QTMAN: variants seen among roughly 807,000 people sequenced by gnomAD.
QTMAN encodes the protein queuosine-tRNA mannosyltransferase.
chr2:143,993,958 G>C, the QTMAN span, among the ~76,000 whole-genome samples: 1 of 152,154 alleles, frequency 6.6e-6, no homozygotes, highest in African/African-American at 2.4e-5. Context: ...GACACTGGAA[G>C]TATATGGAGG....
the QTMAN span, among the ~76,000 whole-genome samples, chr2:144,170,517 C>T: frequency 6.6e-6 from 1 of 152,080 alleles, no homozygotes; most frequent in Non-Finnish European, 1.5e-5. Context: ...AAACTCAGAT[C>T]TTTTATAGTA....
At chr2:143,997,803 A>G in the QTMAN span, among the ~76,000 whole-genome samples, 1 of 152,174 alleles carries the variant, frequency 6.6e-6, no homozygotes, top group Admixed American at 6.5e-5. Flanking sequence ...AACATAAAAA[A>G]GCCTCACTCA....
At chr2:144,200,403 A>G in the QTMAN span, among the ~76,000 whole-genome samples, 22 of 152,334 alleles carry the variant, frequency 1.4e-4, no homozygotes, top group East Asian at 3.3e-3. Flanking sequence ...ATTTTACACA[A>G]TATCACAGGC....
At chr2:144,193,526 G>A in the QTMAN span, among the ~76,000 whole-genome samples, 3 of 148,982 alleles carry the variant, frequency 2.0e-5, no homozygotes, top group Non-Finnish European at 4.5e-5. Context: ...GTGTGTGTAT[G>A]TGTGTGTGTA....
At chr2:144,186,392 T>C in the QTMAN span, among the ~76,000 whole-genome samples, 2 of 152,206 alleles carry the variant, frequency 1.3e-5, no homozygotes, top group Non-Finnish European at 2.9e-5. Context: ...TCCCTCCCTG[T>C]AAATTAGATT....
At chr2:144,120,151 C>G in the QTMAN span, among the ~76,000 whole-genome samples, 2 of 152,110 alleles carry the variant, frequency 1.3e-5, no homozygotes, top group African/African-American at 4.8e-5. Flanking sequence ...TCCAATTTCC[C>G]CTAGTATGAG....
the QTMAN span, among the ~76,000 whole-genome samples, chr2:144,071,379 A>T: frequency 6.6e-6 from 1 of 152,176 alleles, no homozygotes; most frequent in Non-Finnish European, 1.5e-5. Flanking sequence ...TATGTGATGA[A>T]TTATTTAAAA....
the QTMAN span, among the ~76,000 whole-genome samples, chr2:143,964,667 G>A: frequency 6.6e-6 from 1 of 151,934 alleles, no homozygotes; most frequent in African/African-American, 2.4e-5. Context: ...GGAAGTGGAG[G>A]GAAATGTTAT....
chr2:144,241,843 A>G, the QTMAN span, among the ~76,000 whole-genome samples: 6 of 152,192 alleles, frequency 3.9e-5, no homozygotes, highest in Middle Eastern at 3.2e-3. Context: ...AAAAGAATTA[A>G]AATACAAAAA....
the QTMAN span, among the ~76,000 whole-genome samples, chr2:144,283,462 T>C: frequency 6.6e-6 from 1 of 152,136 alleles, no homozygotes; most frequent in Non-Finnish European, 1.5e-5. Context: ...GCAAAAAAGG[T>C]TCAGATCTGA....
the QTMAN span, among the ~76,000 whole-genome samples, chr2:144,089,021 A>C: frequency 6.6e-6 from 1 of 152,120 alleles, no homozygotes; most frequent in African/African-American, 2.4e-5. Flanking sequence ...CAGTGTGAAG[A>C]GACAACCTGT....
At chr2:144,203,615 A>C in the QTMAN span, among the ~76,000 whole-genome samples, 1 of 152,202 alleles carries the variant, frequency 6.6e-6, no homozygotes. Context: ...CTGAAGATTA[A>C]GAGAACATCA....
the QTMAN span, chr2:144,208,484 T>C: frequency 3.8e-6 from 3 of 796,952 alleles, no homozygotes; most frequent in Admixed American, 2.6e-5. Context: ...ATATCTACTA[T>C]AGTCATAATA....
At chr2:144,331,856 T>C in the QTMAN span, among the ~76,000 whole-genome samples, 1 of 150,808 alleles carries the variant, frequency 6.6e-6, no homozygotes, top group Non-Finnish European at 1.5e-5. Flanking sequence ...CAGAGAGGAG[T>C]GGGGCGCTGG....
At chr2:144,100,367 C>T in the QTMAN span, among the ~76,000 whole-genome samples, 1 of 152,124 alleles carries the variant, frequency 6.6e-6, no homozygotes, top group South Asian at 2.1e-4. Context: ...CTTGTGTATG[C>T]CACTCAAATA....
chr2:144,298,770 C>T, the QTMAN span, among the ~76,000 whole-genome samples: 1 of 152,186 alleles, frequency 6.6e-6, no homozygotes, highest in Admixed American at 6.5e-5. Flanking sequence ...GCAAAATGAT[C>T]TAGGGCTATG....
chr2:144,117,048 G>T, the QTMAN span, among the ~76,000 whole-genome samples: 10 of 152,254 alleles, frequency 6.6e-5, no homozygotes, highest in East Asian at 1.7e-3. Flanking sequence ...GGTGAATACC[G>T]GTCTCTATTT....
chr2:144,046,262 G>C, the QTMAN span, among the ~76,000 whole-genome samples: 2 of 152,222 alleles, frequency 1.3e-5, no homozygotes, highest in East Asian at 3.8e-4. Flanking sequence ...TTTACAGAGA[G>C]ATGACAGTTT....
the QTMAN span, among the ~76,000 whole-genome samples, chr2:144,253,450 G>A: frequency 1.3e-5 from 2 of 152,168 alleles, no homozygotes; most frequent in Admixed American, 6.5e-5. Flanking sequence ...AGGAAAATGT[G>A]GGAAAGTTTG....
Sources: gnomAD v4.1 joint callset for allele counts (sites outside exome capture counted in the v4.1 genomes callset) on GRCh38, gnomAD v4.1.1 for gene constraint, MANE v1.5 for transcripts, NCBI Gene and HGNC (gene_info 2026-07-23, HGNC 2026-07-21) for gene names.